The following AOPEP variants were observed in gnomAD, a reference collection of about 807,000 sequenced individuals.
The protein encoded by AOPEP is aminopeptidase O (putative), also known as aminopeptidase O.
AOPEP carries 77 observed loss-of-function variants against 98.1 expected under a neutral mutation model. That is an observed-to-expected ratio of 0.78 (90% CI 0.65 to 0.95). The LOEUF (loss-of-function observed/expected upper bound fraction) is 0.95. Among genes scored for constraint, AOPEP ranks in the 40% least tolerant of loss-of-function variants. The pLI, the probability that AOPEP is intolerant of heterozygous loss-of-function variation, is 0.00. For synonymous variants in AOPEP, 346 were observed against 365.3 expected (o/e 0.95, Z 0.60); for missense variants, 1,024 against 1,024.7 (o/e 1.00, Z 0.01).
At chr9:95,019,904 C>G (rs920353810) in intron 13 of AOPEP, 3 of 152,160 alleles carry the variant, frequency 2.0e-5, no homozygotes, top group Admixed American at 6.5e-5. Flanking sequence ...GTTATGAAAG[C>G]TACTAGAGGT....
rs540947488 is a variant in AOPEP at position 94,959,118 on chromosome 9, A to G, written c.1872+3103A>G. Among the ~76,000 whole-genome samples the G allele has an allele frequency of 2.4e-4, 37 of 152,046 alleles. 1 individual carries two copies. The highest frequency in any genetic ancestry group is 3.4e-3 in the Middle Eastern group (1 of 294). Reference sequence around the variant, plus strand: ...GAGTGCAGTGGCGCGGTCTCGGCTCACTGCAAGCTCCGCCTCCTGGGTTCA... The same window carrying G: ...GAGTGCAGTGGCGCGGTCTCGGCTCGCTGCAAGCTCCGCCTCCTGGGTTCA... On this transcript the variant is annotated intron_variant, in intron 9 of 16. Transcript: ENST00000375315.
chr9:95,014,507 T>G (rs572104756), intron 13 of AOPEP, among the ~76,000 whole-genome samples: 4 of 152,170 alleles, frequency 2.6e-5, no homozygotes, highest in Admixed American at 1.3e-4. Context: ...TAAGAGTACT[T>G]CATTTTATGA....
intron 9 of AOPEP, among the ~76,000 whole-genome samples, chr9:94,956,868 C>T (rs564778585): frequency 3.3e-5 from 5 of 152,244 alleles, no homozygotes; most frequent in South Asian, 2.1e-4. Context: ...AGGATGTGCA[C>T]GTATAATTTG....
the AOPEP span, chr9:95,135,377 C>G: frequency 6.2e-7 from 1 of 1,614,092 alleles, no homozygotes; most frequent in Non-Finnish European, 8.5e-7. Context: ...GCATTCGATC[C>G]TTCTCAGACA....
At chr9:94,852,483 G>A (rs184330165) in intron 5 of AOPEP, among the ~76,000 whole-genome samples, 16 of 152,324 alleles carry the variant, frequency 1.1e-4, no homozygotes, top group African/African-American at 3.8e-4. Flanking sequence ...AGAGAAGACA[G>A]ATACTTCTTC....
chr9:94,927,211 A>G (rs937264515), intron 6 of AOPEP, among the ~76,000 whole-genome samples: 35 of 152,232 alleles, frequency 2.3e-4, no homozygotes, highest in African/African-American at 8.4e-4. Flanking sequence ...CTCTTCTTAT[A>G]AGAACACCAG....
the AOPEP span, among the ~76,000 whole-genome samples, chr9:95,130,224 G>A: frequency 1.5e-4 from 23 of 152,108 alleles, no homozygotes; most frequent in African/African-American, 5.3e-4. Flanking sequence ...AAAGAGGCCT[G>A]AGAACAAGAA....
chr9:95,109,251 C>T, the AOPEP span, among the ~76,000 whole-genome samples: 1 of 152,142 alleles, frequency 6.6e-6, no homozygotes, highest in East Asian at 1.9e-4. Flanking sequence ...GAATGCTATT[C>T]CATGGTTAGG....
At chr9:94,967,722 T>C in intron 9 of AOPEP, 36 bp from the exon 10 acceptor site, 1 of 1,579,288 alleles carries the variant, frequency 6.3e-7, no homozygotes, top group Non-Finnish European at 8.7e-7. Flanking sequence ...TATTTATTGA[T>C]GGACATCTTT....
In AOPEP at chr9:94,847,828, T is replaced by C. The variant is rs539659523; in HGVS notation, c.1364+46826T>C. Among the ~76,000 whole-genome samples the C allele has an allele frequency of 1.9e-4, 29 of 152,332 alleles. No individual in the cohort carries two copies. The South Asian group carries it at 6.0e-3, about 32-fold the overall frequency. On this transcript the variant is annotated intron_variant, in intron 5 of 16. Coordinates refer to ENST00000375315, the MANE Select transcript of AOPEP (RefSeq NM_001193329.3). The stretch of plus-strand genomic sequence containing the variant: ...ATGAAGGAGGAGAGTCCAGGGCATT[T>C]CAGTCACTGCTCATAGCACCCAGAA...
intron 5 of AOPEP, among the ~76,000 whole-genome samples, chr9:94,877,407 A>C (rs1588666148): frequency 6.9e-6 from 1 of 145,298 alleles, no homozygotes; most frequent in African/African-American, 2.5e-5. Flanking sequence ...AAATGACCCT[A>C]CTGGATTTTT....
At chr9:95,137,472 C>T in the AOPEP span, among the ~76,000 whole-genome samples, 4 of 152,076 alleles carry the variant, frequency 2.6e-5, no homozygotes, top group Non-Finnish European at 5.9e-5. Flanking sequence ...CGGCAGGCCC[C>T]GTTCCTCATC....
intron 7 of AOPEP, among the ~76,000 whole-genome samples, chr9:94,934,146 A>T (rs779974182): frequency 2.0e-5 from 3 of 152,090 alleles, no homozygotes; most frequent in Non-Finnish European, 4.4e-5. Context: ...TGGTGGCAGA[A>T]GCTCCAAAAC....
intron 13 of AOPEP, among the ~76,000 whole-genome samples, chr9:95,008,104 C>T (rs2062176160): frequency 6.6e-6 from 1 of 152,106 alleles, no homozygotes; most frequent in Admixed American, 6.6e-5. Flanking sequence ...TAAAATGAAT[C>T]TTAGTCATTT....
In AOPEP at chr9:95,062,922, C is replaced by G. The variant is rs1169397450; in HGVS notation, c.2232+2112C>G. Among the ~76,000 whole-genome samples, 7 of 152,342 alleles carry G rather than the reference C, an allele frequency of 4.6e-5. No homozygotes were observed. In the South Asian group the frequency reaches 1.2e-3, roughly 27 times the overall value. On this transcript the variant is annotated intron_variant, in intron 14 of 16. Coordinates refer to ENST00000375315, the MANE Select transcript of AOPEP (RefSeq NM_001193329.3). ...GAAAGGAAAAGTGCTCAAGGACAGA[C>G]AGAGTTGAGAGCATGGGTGGAGTAG...
chr9:95,041,497 TA>T lies in AOPEP; in HGVS notation c.2116-19191del, dbSNP rs912490048. Among the ~76,000 whole-genome samples, 32 of 132,322 alleles carry T rather than the reference TA, an allele frequency of 2.4e-4. 1 individual carries two copies. Among genetic ancestry groups the T allele is most frequent in the Non-Finnish European group, 6.4e-5 (4 of 62,290 alleles). The allele number at this position is 132,322 out of a possible 152,430, so 86.8% of individuals were successfully genotyped here. A position where few individuals can be genotyped will look rare whatever the true frequency, so the allele number is the denominator to read the frequency against. ...TGTGTGTGTGGAGAGGGAGAGACAC[TA>T]AAAAAGTACAATAAGCCAGTTTGTG... On this transcript the variant is annotated intron_variant, in intron 13 of 16. Coordinates refer to ENST00000375315, the MANE Select transcript of AOPEP (RefSeq NM_001193329.3).
chr9:94,946,676 G>A (rs1312035955), intron 7 of AOPEP, among the ~76,000 whole-genome samples: 3 of 152,160 alleles, frequency 2.0e-5, no homozygotes, highest in African/African-American at 7.2e-5. Context: ...GTATCTGAAG[G>A]CTCTTCTTTC....
chr9:94,791,141 A>G (rs943061640), intron 3 of AOPEP, among the ~76,000 whole-genome samples: 4 of 152,182 alleles, frequency 2.6e-5, no homozygotes, highest in African/African-American at 9.7e-5. Context: ...CATATATACC[A>G]TAGAATACTA....
chr9:95,060,481 C>T (rs1295722323), intron 13 of AOPEP, among the ~76,000 whole-genome samples: 2 of 152,170 alleles, frequency 1.3e-5, no homozygotes, highest in Admixed American at 6.5e-5. Context: ...GAAAACGGGG[C>T]CAAAGCAGAC....
Sources: allele counts gnomAD v4.1 joint callset (sites outside exome capture counted in the v4.1 genomes callset), GRCh38; gene constraint gnomAD v4.1.1; transcripts MANE v1.5; gene names NCBI Gene and HGNC (gene_info 2026-07-23, HGNC 2026-07-21).